Variants in ITPRID1 observed in about 807,000 individuals in gnomAD.
ITPRID1 encodes protein ITPRID1.
A neutral mutation model predicts 95.4 loss-of-function variants in ITPRID1; 96 were observed. The observed-to-expected ratio is 1.01, with a 90% confidence interval of 0.85 to 1.19. The LOEUF (loss-of-function observed/expected upper bound fraction) is 1.19, where lower values mean the gene tolerates loss of function less well. ITPRID1 is among the 50% of genes most tolerant of loss of function. ITPRID1 has a pLI of 0.00. For missense variants in ITPRID1, 1,339 were observed against 1,252.9 expected (o/e 1.07, Z -1.04); for synonymous variants, 510 against 453.6 (o/e 1.12, Z -1.58).
At chr7:31,529,789 C>T (rs1405824869) in intron 1 of ITPRID1, 16 of 1,535,278 alleles carry the variant, frequency 1.0e-5, no homozygotes, top group African/African-American at 1.4e-5. Context: ...CAGCAAGTTG[C>T]AAGACCATTT....
intron 1 of ITPRID1, chr7:31,517,850 C>G (rs900635737): frequency 1.3e-5 from 2 of 152,416 alleles, no homozygotes; most frequent in Non-Finnish European, 2.9e-5. Context: ...GGGCTGCTAG[C>G]ACATTGTCAC....
chr7:31,642,179 C>T lies in ITPRID1; in HGVS notation c.1232C>T (p.Ala411Val), dbSNP rs1434240422. The T allele has an allele frequency of 7.1e-6, 11 of 1,558,164 alleles. No individual in the cohort carries two copies. Among genetic ancestry groups the T allele is most frequent in the East Asian group, 2.4e-5 (1 of 41,554 alleles). ...PLDMTSGTVG[A>V]RVDRANSCQS... ...CAAGACCTCTTTCATTCTGCAGGTG[C>T]CAGGGTGGACAGAGCAAATAGCTGC... is the stretch of plus-strand genomic sequence containing the variant. Residue 411 changes from alanine to valine, a missense_variant, in exon 11 of 15, where the codon GCC (alanine) becomes GTC (valine). By Grantham distance (64) the Ala-to-Val change is moderately conservative (BLOSUM62 0). Transcript: ENST00000615280.
chr7:31,615,583 T>C (rs1464902646), intron 10 of ITPRID1, among the ~76,000 whole-genome samples: 2 of 152,238 alleles, frequency 1.3e-5, no homozygotes, highest in Middle Eastern at 3.4e-3. Flanking sequence ...TTAAGCAAAA[T>C]AAGACATTAA....
intron 10 of ITPRID1, among the ~76,000 whole-genome samples, chr7:31,639,760 A>AG (rs1789853269): frequency 6.7e-6 from 1 of 148,786 alleles, no homozygotes; most frequent in Non-Finnish European, 1.5e-5. Flanking sequence ...CTCGTCTTGA[A>AG]CTCCTGACCT....
intron 5 of ITPRID1, among the ~76,000 whole-genome samples, chr7:31,557,330 G>A (rs1412086048): frequency 6.6e-6 from 1 of 152,032 alleles, no homozygotes; most frequent in Non-Finnish European, 1.5e-5. Flanking sequence ...GTGACCCAGT[G>A]CTTCCCACAG....
intron 12 of ITPRID1, among the ~76,000 whole-genome samples, chr7:31,645,766 G>A (rs560540919): frequency 7.2e-5 from 11 of 152,256 alleles, no homozygotes; most frequent in African/African-American, 2.6e-4. Flanking sequence ...GGAGGGGGGT[G>A]GTTGCTACTG....
intron 10 of ITPRID1, among the ~76,000 whole-genome samples, chr7:31,587,167 G>T (rs1785651600): frequency 6.6e-6 from 1 of 152,084 alleles, no homozygotes; most frequent in Non-Finnish European, 1.5e-5. Flanking sequence ...GGAAATAAAG[G>T]GTATTCAATT....
intron 1 of ITPRID1, among the ~76,000 whole-genome samples, chr7:31,547,498 C>G (rs1310982525): frequency 9.5e-5 from 13 of 136,902 alleles, no homozygotes; most frequent in Non-Finnish European, 5.0e-5. Flanking sequence ...CTCATGAGAA[C>G]TCACTCACTA....
intron 1 of ITPRID1, among the ~76,000 whole-genome samples, chr7:31,521,782 G>A (rs1004818596): frequency 1.4e-5 from 2 of 146,618 alleles, no homozygotes; most frequent in Admixed American, 6.9e-5. Flanking sequence ...GTACAGTGGC[G>A]GTGATCACAG....
At chr7:31,542,020 T>G (rs1783948906) in intron 1 of ITPRID1, among the ~76,000 whole-genome samples, 1 of 152,208 alleles carries the variant, frequency 6.6e-6, no homozygotes, top group Non-Finnish European at 1.5e-5. Context: ...TTATTCAACT[T>G]AAAACAATTC....
intron 10 of ITPRID1, among the ~76,000 whole-genome samples, chr7:31,598,398 CT>C (rs869161999): frequency 0.24 from 25,578 of 106,422 alleles, 2,402 homozygotes; most frequent in East Asian, 0.26. Context: ...TTTTTTTTTT[CT>C]TTTTTTTTTT....
rs557936927 is a variant in ITPRID1, at chr7:31,642,248, T to G, written c.1301T>G (p.Leu434Arg). Residue 434 changes from leucine (L) to arginine (R), a missense_variant, in exon 11 of 15, where the codon CTG becomes CGG. Physicochemically the swap from Leu to Arg is moderately radical, Grantham distance 102 (BLOSUM62 -2). Coordinates refer to ENST00000615280, the MANE Select transcript of ITPRID1 (RefSeq NM_001257967.3). ...TTCCTGGAGGAGCCGCTGGAACCGC[T>G]GCCCCTCCAGGTAGGAGGGTTTGGA... Reference protein sequence around the residue: ...SGFLEEPLEPLPLQMPSLPNS... With the variant: ...SGFLEEPLEPRPLQMPSLPNS... 19 of 1,552,186 alleles carry G rather than the reference T, an allele frequency of 1.2e-5. No individual in the cohort carries two copies. In the African/African-American group the frequency reaches 2.2e-4, roughly 18 times the overall value.
chr7:31,599,641 CTTTCTTTTTCTTTCTTTCCTT>C (rs1562598820), intron 10 of ITPRID1, among the ~76,000 whole-genome samples: 4,473 of 54,682 alleles, frequency 0.082, 278 homozygotes, highest in South Asian at 0.14. Context: ...TTCTTTCTTT[CTTTCTTTTTCTTTCTTTCCTT>C]TCTCTCTCTC....
At chr7:31,631,957 C>T (rs540074189) in intron 10 of ITPRID1, among the ~76,000 whole-genome samples, 2 of 152,304 alleles carry the variant, frequency 1.3e-5, no homozygotes, top group East Asian at 3.9e-4. Flanking sequence ...GCCGGCCGAC[C>T]AGTGTCCAGC....
chr7:31,654,599 G>A lies in ITPRID1; in HGVS notation c.*1770G>A, dbSNP rs1430171362. On this transcript the variant is annotated 3_prime_UTR_variant, in exon 15 of 15. Transcript: ENST00000615280. ...ATCCCCAAGGTGAGAAGCAAATGTC[G>A]TCAAGTTGCTTCTATTCAGCCTTGG... Among the ~76,000 whole-genome samples the A allele has an allele frequency of 6.6e-6, 1 of 152,112 alleles. No homozygotes were observed. Among genetic ancestry groups the A allele is most frequent in the Non-Finnish European group, 1.5e-5 (1 of 68,014 alleles).
intron 10 of ITPRID1, among the ~76,000 whole-genome samples, chr7:31,603,993 G>A (rs1324297619): frequency 6.6e-6 from 1 of 152,052 alleles, no homozygotes; most frequent in Non-Finnish European, 1.5e-5. Context: ...CTTTACCATA[G>A]GCCTTAATAC....
In ITPRID1 at chr7:31,651,151, C is replaced by G; in HGVS notation, c.2593C>G (p.His865Asp). 1.2e-6 allele frequency: 2 copies of G among 1,613,120 alleles called. No individual in the cohort carries two copies. The highest frequency in any genetic ancestry group is 1.7e-6 in the Non-Finnish European group (2 of 1,179,348). ...TTCTCATTGTTCTCAGTGCACAGTC[C>G]ATGAGATGGAAGCCATGAAGACGAT... ...TVRELCSCTV[H>D]EMEAMKTICQ... The change falls in exon 13 of 15, where the codon CAT becomes GAT. Residue 865 changes from histidine (H) to aspartate (D), a missense_variant. Coordinates refer to ENST00000615280, the MANE Select transcript of ITPRID1 (RefSeq NM_001257967.3).
Position 31,651,252 on chromosome 7 carries a change from C to T in ITPRID1, c.2694C>T (p.Asp898=), listed in dbSNP as rs776641417. ...GACAGCAGGCCCTCTTTTCCAGGGACATGTCAGAGGAGGAAAGGTAATTAC... is the reference window on the plus strand; with the variant it reads ...GACAGCAGGCCCTCTTTTCCAGGGATATGTCAGAGGAGGAAAGGTAATTAC... ...LMGQQALFSR[D]MSEEEREEAE... is the part of the protein sequence containing the mutation. Residue 898 remains aspartate (D), a synonymous_variant, in exon 13 of 15, where the codon GAC becomes GAT. Coordinates refer to ENST00000615280, the MANE Select transcript of ITPRID1 (RefSeq NM_001257967.3). The T allele has an allele frequency of 2.1e-4, 340 of 1,613,104 alleles. No homozygotes were observed. Among genetic ancestry groups the T allele is most frequent in the Non-Finnish European group, 2.8e-4 (333 of 1,179,450 alleles).
chr7:31,616,664 A>G (rs145978095), intron 10 of ITPRID1, among the ~76,000 whole-genome samples: 435 of 152,254 alleles, frequency 2.9e-3, no homozygotes, highest in African/African-American at 1.0e-2. Context: ...AATTCCCCAG[A>G]TAGCTTAAAG....
Sources: allele counts gnomAD v4.1 joint callset (sites outside exome capture counted in the v4.1 genomes callset), GRCh38; gene constraint gnomAD v4.1.1; transcripts MANE v1.5; gene names NCBI Gene and HGNC (gene_info 2026-07-23, HGNC 2026-07-21).